The following SLC25A14 variants were observed in gnomAD, a reference collection of about 807,000 sequenced individuals.
The protein encoded by SLC25A14 is solute carrier family 25 member 14.
Under a neutral mutation model 28.1 loss-of-function variants are expected in SLC25A14, and 8 were observed. The observed-to-expected ratio is 0.28, with a 90% confidence interval of 0.17 to 0.51. The LOEUF is 0.51. Among genes scored for constraint, SLC25A14 ranks in the 20% least tolerant of loss-of-function variants. The pLI, the probability that SLC25A14 is intolerant of heterozygous loss-of-function variation, is 0.97. For synonymous variants in SLC25A14, 74 were observed against 90.6 expected, an observed-to-expected ratio of 0.82 and a Z score of 1.04; for missense variants, 135 against 263.8, an observed-to-expected ratio of 0.51 and a Z score of 3.38.
chrX:130,353,268 C>G (rs916169893), intron 6 of SLC25A14, among the ~76,000 whole-genome samples: 9 of 111,638 alleles, frequency 8.1e-5, no homozygotes, highest in Non-Finnish European at 1.3e-4. Context: ...GCAGACAACC[C>G]CACCTCCTAT....
intron 7 of SLC25A14, among the ~76,000 whole-genome samples, chrX:130,361,436 C>T (rs181919044): frequency 2.7e-5 from 3 of 112,520 alleles, no homozygotes; most frequent in East Asian, 5.6e-4. Context: ...TGAATGTATT[C>T]TTCTGAGACA....
intron 2 of SLC25A14, 22 bp downstream of exon 2, chrX:130,340,375 A>G (rs376900088): frequency 8.3e-7 from 1 of 1,209,296 alleles, no homozygotes; most frequent in Non-Finnish European, 1.1e-6. Context: ...CCTCCATTGT[A>G]TTAGTGTAAG....
intron 4 of SLC25A14, among the ~76,000 whole-genome samples, chrX:130,348,780 AC>A (rs3084881): frequency 0.14 from 6,092 of 45,043 alleles, 592 homozygotes; most frequent in African/African-American, 0.28. Flanking sequence ...TTGAGACTCT[AC>A]CCCCCCCCCC....
chrX:130,368,362 A>C (rs946376452), intron 9 of SLC25A14, among the ~76,000 whole-genome samples: 1 of 112,315 alleles, frequency 8.9e-6, no homozygotes, highest in African/African-American at 3.2e-5. Context: ...GTAATAAAAA[A>C]GAAAAAATCA....
chrX:130,371,751 A>G (rs2034267934), intron 10 of SLC25A14, 107 bp downstream of exon 10: 4 of 538,249 alleles, frequency 7.4e-6, no homozygotes, highest in African/African-American at 6.9e-5. Context: ...GAGAAACTCA[A>G]GCATCCCATT....
rs769565990 is a variant in SLC25A14 at position 130,364,399 on chromosome X, C to G, written c.595-229C>G. 2.1e-4 allele frequency among the ~76,000 whole-genome samples: 22 copies of G among 105,427 alleles called. 1 individual carries two copies. The highest frequency in any genetic ancestry group is 9.8e-3 in the Middle Eastern group (2 of 204). 91.6% of individuals were successfully genotyped at this position (105,427 alleles called of 115,157 possible). A position where few individuals can be genotyped will look rare whatever the true frequency, so the allele number is the denominator to read the frequency against. ...GAAGTCCAGTTGATCTTTTTTTTTT[C>G]TTTTGTCTTTTGTGCTTTGGGTGTC... On this transcript the variant is annotated intron_variant, in intron 7 of 10. Coordinates refer to ENST00000545805, the MANE Select transcript of SLC25A14 (RefSeq NM_001282195.2).
At chrX:130,346,379 CA>C (rs1247325545) in intron 3 of SLC25A14, among the ~76,000 whole-genome samples, 164 bp from the exon 4 acceptor site, 1 of 111,720 alleles carries the variant, frequency 9.0e-6, no homozygotes, top group Non-Finnish European at 1.9e-5. Context: ...TTTCACTTAC[CA>C]CATGCAACTC....
intron 7 of SLC25A14, among the ~76,000 whole-genome samples, chrX:130,360,588 T>C (rs983304350): frequency 7.1e-5 from 8 of 112,026 alleles, no homozygotes; most frequent in Non-Finnish European, 1.1e-4. Flanking sequence ...CTAATGGTCT[T>C]TGCATCCATT....
chrX:130,351,099 T>C (rs2033611231), intron 6 of SLC25A14, among the ~76,000 whole-genome samples: 1 of 111,180 alleles, frequency 9.0e-6, no homozygotes, highest in Admixed American at 9.6e-5. Flanking sequence ...ATCTCTTACA[T>C]CCATTTGTAC....
rs1362185462 is a variant in SLC25A14, at chrX:130,373,091, G to C, written c.*141G>C. On this transcript the variant is annotated 3_prime_UTR_variant, in exon 11 of 11. Coordinates refer to ENST00000545805, the MANE Select transcript of SLC25A14 (RefSeq NM_001282195.2). ...AGGGCCTCCTGATGGAAGAACAGTG[G>C]GGTGGTTCAAAGTTATTTCTATGTT... 1 of 455,864 alleles carries C rather than the reference G, an allele frequency of 2.2e-6. No individual in the cohort carries two copies. The highest frequency in any genetic ancestry group is 2.5e-5 in the African/African-American group (1 of 39,540). 37.6% of individuals were successfully genotyped at this position (455,864 alleles called of 1,213,427 possible). A position where few individuals can be genotyped will look rare whatever the true frequency, so the allele number is the denominator to read the frequency against.
Position 130,340,317 on chromosome X carries a change from G to T in SLC25A14, c.39G>T (p.Arg13Ser), listed in dbSNP as rs368952448. 22 of 1,209,502 alleles carry T rather than the reference G, an allele frequency of 1.8e-5. No homozygotes were observed. The highest frequency in any genetic ancestry group is 2.3e-5 in the Non-Finnish European group (21 of 894,809). ...CCGGAATAATCCTAATTTTTCTAAG[G>T]GTGAAGTTTGCAACGGCGGCCGTGA... ...IFPGIILIFL[R>S]VKFATAAVIV... The change falls in exon 2 of 11, where the codon AGG becomes AGT. Residue 13 changes from arginine (R) to serine (S), a missense_variant. By Grantham distance (110) the Arg-to-Ser change is moderately radical. Coordinates refer to ENST00000545805, the MANE Select transcript of SLC25A14 (RefSeq NM_001282195.2).
intron 5 of SLC25A14, 52 bp downstream of exon 5, chrX:130,349,397 C>A (rs2033557524): frequency 1.3e-6 from 1 of 799,053 alleles, no homozygotes; most frequent in South Asian, 2.5e-5. Context: ...TTGTTGAAAT[C>A]ATGCTTAGTG....
At chrX:130,349,150 G>T in intron 4 of SLC25A14, 101 bp from the exon 5 acceptor site, 1 of 397,845 alleles carries the variant, frequency 2.5e-6, no homozygotes, top group Non-Finnish European at 4.3e-6. Flanking sequence ...ATATTCTGCT[G>T]TTGTTGGGTA....
intron 9 of SLC25A14, among the ~76,000 whole-genome samples, chrX:130,368,176 T>A (rs1430625916): frequency 8.9e-6 from 1 of 112,052 alleles, no homozygotes; most frequent in East Asian, 2.8e-4. Flanking sequence ...GCCAAAGAAG[T>A]TAATGAGTTT....
chrX:130,366,731 A>C (rs998309637), intron 9 of SLC25A14, among the ~76,000 whole-genome samples: 24 of 112,147 alleles, frequency 2.1e-4, no homozygotes, highest in Non-Finnish European at 3.9e-4. Context: ...TAATCAGATT[A>C]GCTTTGCATT....
chrX:130,371,052 G>C (rs1455362577), intron 9 of SLC25A14, among the ~76,000 whole-genome samples: 1 of 111,855 alleles, frequency 8.9e-6, no homozygotes, highest in Non-Finnish European at 1.9e-5. Flanking sequence ...GTTGGCTGGA[G>C]CCCTCAGTTC....
At chrX:130,349,382 AG>A (rs760387723) in intron 5 of SLC25A14, 37 bp downstream of exon 5, 3 of 905,798 alleles carry the variant, frequency 3.3e-6, no homozygotes, top group Non-Finnish European at 4.8e-6. Context: ...TGATACTCAA[AG>A]GGATTGTTGA....
Position 130,373,127 on chromosome X carries a change from T to C in SLC25A14, c.*177T>C, listed in dbSNP as rs2034304953. The C allele has an allele frequency of 2.5e-6, 1 of 401,705 alleles. No homozygotes were observed. The highest frequency in any genetic ancestry group is 4.4e-5 in the East Asian group (1 of 22,943). The allele number at this position is 401,705 out of a possible 1,213,427, so 33.1% of individuals were successfully genotyped here. A position where few individuals can be genotyped will look rare whatever the true frequency, so the allele number is the denominator to read the frequency against. On this transcript the variant is annotated 3_prime_UTR_variant, in exon 11 of 11. Transcript: ENST00000545805. ...AGTTATTTCTATGTTTGTGTTACCATGTTAACTTTTCCCCGAGAGAAAGTG... is the reference window on the plus strand; with the variant it reads ...AGTTATTTCTATGTTTGTGTTACCACGTTAACTTTTCCCCGAGAGAAAGTG...
intron 7 of SLC25A14, chrX:130,358,966 G>C: frequency 1.1e-6 from 1 of 927,620 alleles, no homozygotes; most frequent in Non-Finnish European, 1.5e-6. Context: ...TGGCTGTTTC[G>C]ATCATATTCA....
Sources: allele counts gnomAD v4.1 joint callset (sites outside exome capture counted in the v4.1 genomes callset), GRCh38; gene constraint gnomAD v4.1.1; transcripts MANE v1.5; gene names NCBI Gene and HGNC (gene_info 2026-07-23, HGNC 2026-07-21).